The following GALNTL6 variants were observed in gnomAD, a reference collection of about 807,000 sequenced individuals.
GALNTL6 encodes polypeptide N-acetylgalactosaminyltransferase like 6.
A neutral mutation model predicts 73.7 loss-of-function variants in GALNTL6; 46 were observed. The observed-to-expected ratio is 0.62, with a 90% CI of 0.49 to 0.80. The LOEUF (loss-of-function observed/expected upper bound fraction) is 0.80. GALNTL6 is among the 30% of genes least tolerant of loss of function. GALNTL6 has a pLI of 0.00. For synonymous variants in GALNTL6, 259 were observed against 263.7 expected, an observed-to-expected ratio of 0.98 and a Z score of 0.17; for missense variants, 604 against 755.0, an observed-to-expected ratio of 0.80 and a Z score of 2.34.
At chr4:172,617,026 A>G (rs1738764911) in intron 5 of GALNTL6, among the ~76,000 whole-genome samples, 1 of 152,050 alleles carries the variant, frequency 6.6e-6, no homozygotes, top group South Asian at 2.1e-4. Flanking sequence ...TTAGCAGAGG[A>G]GAAGGTAAAA....
At chr4:171,915,170 G>A (rs1002007402) in intron 2 of GALNTL6, among the ~76,000 whole-genome samples, 3 of 152,088 alleles carry the variant, frequency 2.0e-5, no homozygotes, top group African/African-American at 4.8e-5. Context: ...ACCCTTTACT[G>A]TAATTTATTG....
chr4:171,973,654 A>C (rs1018932248), intron 2 of GALNTL6, among the ~76,000 whole-genome samples: 2 of 152,184 alleles, frequency 1.3e-5, no homozygotes, highest in Admixed American at 1.3e-4. Context: ...ATTCTTGGGT[A>C]CCAGGGATTA....
chr4:172,171,142 G>A (rs986708057), intron 2 of GALNTL6, among the ~76,000 whole-genome samples: 3 of 152,110 alleles, frequency 2.0e-5, no homozygotes, highest in Non-Finnish European at 4.4e-5. Context: ...TGCTGTTGCC[G>A]TAAAGATCAA....
chr4:172,053,939 G>A (rs1027118815), intron 2 of GALNTL6, among the ~76,000 whole-genome samples: 2 of 151,956 alleles, frequency 1.3e-5, no homozygotes, highest in African/African-American at 4.8e-5. Flanking sequence ...CACAAATTAT[G>A]AGTTTCAAAA....
intron 2 of GALNTL6, among the ~76,000 whole-genome samples, chr4:172,109,221 T>C (rs2110975961): frequency 6.7e-6 from 1 of 150,274 alleles, no homozygotes; most frequent in Non-Finnish European, 1.5e-5. Flanking sequence ...CAATGAAGAA[T>C]TTTGTTAAAG....
At chr4:172,161,953 A>G (rs751139202) in intron 2 of GALNTL6, among the ~76,000 whole-genome samples, 10 of 152,026 alleles carry the variant, frequency 6.6e-5, no homozygotes, top group Non-Finnish European at 1.5e-4. Context: ...AAAATAATAG[A>G]TAAGTGGTAA....
intron 2 of GALNTL6, among the ~76,000 whole-genome samples, chr4:171,923,203 T>C (rs1737847514): frequency 1.3e-5 from 2 of 152,162 alleles, no homozygotes; most frequent in Non-Finnish European, 2.9e-5. Context: ...TTTGTTTCAA[T>C]TTATGGAGAG....
At chr4:172,155,714 C>A (rs1057120055) in intron 2 of GALNTL6, among the ~76,000 whole-genome samples, 1 of 152,066 alleles carries the variant, frequency 6.6e-6, no homozygotes, top group Non-Finnish European at 1.5e-5. Flanking sequence ...TTATGTAATT[C>A]TGACAAGTAA....
intron 2 of GALNTL6, among the ~76,000 whole-genome samples, chr4:171,963,719 G>A (rs1247220126): frequency 6.6e-6 from 1 of 152,084 alleles, no homozygotes; most frequent in East Asian, 1.9e-4. Flanking sequence ...AGCACCAATA[G>A]CATTCAAGGA....
At chr4:171,915,784 C>T (rs909175210) in intron 2 of GALNTL6, among the ~76,000 whole-genome samples, 3 of 152,032 alleles carry the variant, frequency 2.0e-5, no homozygotes, top group Admixed American at 6.6e-5. Context: ...GTCAGAAAGC[C>T]TCATTTATCA....
rs192867533 is a variant in GALNTL6 at position 172,958,631 on chromosome 4, G to A, written c.1371+6373G>A. On this transcript the variant is annotated intron_variant, in intron 10 of 12. Transcript: ENST00000506823. ...TTTGAGAGATCAGTCAGACATGATC[G>A]GCAGGGAGCGCACGTGTGTTTTTAT... 3.4e-3 allele frequency among the ~76,000 whole-genome samples: 525 copies of A among 152,260 alleles called. 2 individuals are homozygous for A. Among genetic ancestry groups the A allele is most frequent in the African/African-American group, 0.012 (499 of 41,534 alleles).
intron 5 of GALNTL6, among the ~76,000 whole-genome samples, chr4:172,470,073 C>T (rs899914096): frequency 1.2e-4 from 19 of 152,138 alleles, no homozygotes; most frequent in African/African-American, 2.9e-4. Context: ...AAGTTGTACA[C>T]GGCATGGACT....
chr4:172,577,666 C>T (rs545868950), intron 5 of GALNTL6, among the ~76,000 whole-genome samples: 1 of 152,246 alleles, frequency 6.6e-6, no homozygotes, highest in South Asian at 2.1e-4. Flanking sequence ...CATTAGATGG[C>T]ACCTGTTGCT....
chr4:172,814,042 T>G (rs907375859), intron 7 of GALNTL6, among the ~76,000 whole-genome samples: 39 of 152,360 alleles, frequency 2.6e-4, no homozygotes, highest in Middle Eastern at 3.4e-3. Flanking sequence ...TTCAGTTGTT[T>G]CTGTTCTTTT....
intron 5 of GALNTL6, among the ~76,000 whole-genome samples, chr4:172,446,912 C>G (rs2111412699): frequency 6.6e-6 from 1 of 152,238 alleles, no homozygotes. Context: ...TGGTTAATAT[C>G]TCCAATCCAC....
chr4:172,569,295 G>A (rs1395527300), intron 5 of GALNTL6, among the ~76,000 whole-genome samples: 1 of 152,082 alleles, frequency 6.6e-6, no homozygotes, highest in Admixed American at 6.5e-5. Flanking sequence ...AAAGGGCAAG[G>A]GAGCTCTCGC....
intron 3 of GALNTL6, among the ~76,000 whole-genome samples, chr4:172,286,211 C>T (rs1739242009): frequency 1.3e-5 from 2 of 152,068 alleles, no homozygotes; most frequent in South Asian, 2.1e-4. Flanking sequence ...TGGCTGTTCA[C>T]CCCAGATTAT....
intron 8 of GALNTL6, among the ~76,000 whole-genome samples, chr4:172,895,404 T>TATA (rs1399858586): frequency 2.2e-4 from 33 of 147,000 alleles, no homozygotes; most frequent in Non-Finnish European, 3.6e-4. Context: ...ATATATATAT[T>TATA]TTTTTTTTGC....
intron 2 of GALNTL6, among the ~76,000 whole-genome samples, chr4:172,172,169 C>G (rs1262015327): frequency 6.6e-6 from 1 of 151,930 alleles, no homozygotes; most frequent in Non-Finnish European, 1.5e-5. Context: ...ATATAACTAG[C>G]ATTGTTTTTT....
Sources: gnomAD v4.1 joint callset for allele counts (sites outside exome capture counted in the v4.1 genomes callset) on GRCh38, gnomAD v4.1.1 for gene constraint, MANE v1.5 for transcripts, NCBI Gene and HGNC (gene_info 2026-07-23, HGNC 2026-07-21) for gene names.